Variants in ABCA4 observed in about 807,000 individuals in gnomAD.
ABCA4 encodes retinal-specific phospholipid-transporting ATPase ABCA4.
Under a neutral mutation model 263.7 loss-of-function variants are expected in ABCA4, and 196 were observed. That is an observed-to-expected ratio of 0.74 (90% CI 0.66 to 0.84). ABCA4 has a LOEUF of 0.84. Ranked by LOEUF, ABCA4 falls within the 40% of genes least tolerant of loss-of-function variation. The probability of loss-of-function intolerance (pLI) is 0.00; values close to 1 mark genes in which losing one functional copy is unlikely to be tolerated. For synonymous variants in ABCA4, 1,133 were observed against 1,094.2 expected, an observed-to-expected ratio of 1.04 and a Z score of -0.70; for missense variants, 2,792 against 2,855.1, an observed-to-expected ratio of 0.98 and a Z score of 0.50.
chr1:94,072,701 G>A (rs923314102), intron 11 of ABCA4, among the ~76,000 whole-genome samples: 6 of 152,102 alleles, frequency 3.9e-5, no homozygotes, highest in Non-Finnish European at 2.9e-5. Flanking sequence ...CCTTAGATTT[G>A]GAGAAAAGGG....
intron 13 of ABCA4, among the ~76,000 whole-genome samples, chr1:94,061,928 A>C (rs1302468181): frequency 7.6e-6 from 1 of 130,730 alleles, no homozygotes; most frequent in Non-Finnish European, 1.7e-5. Flanking sequence ...CCCCATCTAT[A>C]ATGACAAATG....
chr1:94,104,607 G>A lies in ABCA4; in HGVS notation c.443-1465C>T, dbSNP rs571182549. ...GCCTGTCCATGCAGCTGGGGCAGGG[G>A]AAGCCGGTCTTGAAGTTCGACCACA... On this transcript the variant is annotated intron_variant, in intron 4 of 49. Transcript: ENST00000370225. 3.9e-5 allele frequency among the ~76,000 whole-genome samples: 6 copies of A among 152,318 alleles called. No individual in the cohort carries two copies. The South Asian group carries it at 1.0e-3, about 26-fold the overall frequency.
At chr1:94,003,658 G>C (rs908914239) in intron 44 of ABCA4, among the ~76,000 whole-genome samples, 3 of 152,138 alleles carry the variant, frequency 2.0e-5, no homozygotes, top group Non-Finnish European at 4.4e-5. Context: ...TTAAGAGACA[G>C]AGTCTTGCTC....
At chr1:94,107,165 C>A (rs1218373717) in intron 4 of ABCA4, among the ~76,000 whole-genome samples, 1 of 152,154 alleles carries the variant, frequency 6.6e-6, no homozygotes, top group East Asian at 1.9e-4. Context: ...CCCTTGGTGA[C>A]CCCTTTCTCA....
intron 3 of ABCA4, among the ~76,000 whole-genome samples, chr1:94,110,915 G>A (rs1259747927): frequency 6.6e-6 from 1 of 152,184 alleles, no homozygotes; most frequent in Non-Finnish European, 1.5e-5. Context: ...GGGGCCGATG[G>A]CAATTATAAC....
At chr1:94,031,613 A>G (rs1261451926) in intron 27 of ABCA4, among the ~76,000 whole-genome samples, 165 bp downstream of exon 27, 1 of 152,204 alleles carries the variant, frequency 6.6e-6, no homozygotes, top group Non-Finnish European at 1.5e-5. Context: ...TCATGTTACC[A>G]AGAATCAAGA....
At chr1:94,046,600 A>G (rs1039696668) in intron 19 of ABCA4, among the ~76,000 whole-genome samples, 17 of 152,272 alleles carry the variant, frequency 1.1e-4, no homozygotes, top group African/African-American at 3.6e-4. Context: ...TGTGAGAAAC[A>G]AGAGGCAACT....
intron 1 of ABCA4, among the ~76,000 whole-genome samples, chr1:94,120,304 G>C (rs1330740417): frequency 2.6e-5 from 4 of 152,120 alleles, no homozygotes; most frequent in Admixed American, 2.0e-4. Flanking sequence ...GTGCTTTTAG[G>C]GCTCCAGTCT....
chr1:94,073,905 G>T (rs77724767), intron 11 of ABCA4, among the ~76,000 whole-genome samples: 1 of 152,032 alleles, frequency 6.6e-6, no homozygotes, highest in Admixed American at 6.5e-5. Context: ...TCTCTCCTCC[G>T]TCCACACCCC....
chr1:94,008,792 C>T lies in ABCA4; in HGVS notation c.5794G>A (p.Gly1932Arg). 1 of 1,613,916 alleles carries T rather than the reference C, an allele frequency of 6.2e-7. No individual in the cohort carries two copies. Among genetic ancestry groups the T allele is most frequent in the Non-Finnish European group, 8.5e-7 (1 of 1,180,004 alleles). The part of the protein sequence containing the change: ...AEERQRIITG[G>R]NKTDILRLHE... ...AGCCTTAAGATGTCAGTTTTATTTC[C>T]ACCAGTAATAATTCTTTGTCTTTCT... The change falls in exon 41 of 50, where the codon GGA becomes AGA. Residue 1932 changes from glycine to arginine, a missense_variant. Physicochemically the swap from Gly to Arg is moderately radical, Grantham distance 125. Coordinates refer to ENST00000370225, the MANE Select transcript of ABCA4 (RefSeq NM_000350.3).
chr1:94,041,210 T>C lies in ABCA4; in HGVS notation c.3521A>G (p.Glu1174Gly), dbSNP rs1446082893. Residue 1174 changes from glutamate (E) to glycine (G), a missense_variant and splice_region_variant, in exon 23 of 50, where the codon GAG (glutamate) becomes GGG (glycine). Physicochemically the swap from Glu to Gly is moderately conservative, Grantham distance 98. Coordinates refer to ENST00000370225, the MANE Select transcript of ABCA4 (RefSeq NM_000350.3). ...KNIQSQRKGS[E>G]GTCSCSSKGF... is the part of the protein sequence containing the mutation. ...GTCCTTCCCTGGGCAGACACCTACCTCACTGCCTTTCCTTTGGCTCTGGAT... is the reference window on the plus strand; with the variant it reads ...GTCCTTCCCTGGGCAGACACCTACCCCACTGCCTTTCCTTTGGCTCTGGAT... 6.2e-7 allele frequency: 1 copy of C among 1,614,178 alleles called. No individual in the cohort carries two copies. Among genetic ancestry groups the C allele is most frequent in the Non-Finnish European group, 8.5e-7 (1 of 1,180,030 alleles).
At chr1:94,116,726 C>G (rs1021210793) in intron 1 of ABCA4, among the ~76,000 whole-genome samples, 1 of 152,120 alleles carries the variant, frequency 6.6e-6, no homozygotes, top group Admixed American at 6.5e-5. Context: ...CTGTCCTTGA[C>G]GCTTAACTGC....
chr1:94,016,003 A>T, intron 36 of ABCA4, 149 bp from the exon 37 acceptor site: 1 of 745,640 alleles, frequency 1.3e-6, no homozygotes, highest in Admixed American at 2.0e-5. Flanking sequence ...GTTGGCAAAC[A>T]TATGTTAAGC....
At chr1:94,120,887 G>GCCCCCCCCCC in intron 1 of ABCA4, 93 bp downstream of exon 1, 1 of 339,358 alleles carries the variant, frequency 2.9e-6, no homozygotes, top group South Asian at 3.0e-5. Flanking sequence ...CCCCCACCCT[G>GCCCCCCCCCC]CCCCACCACC....
chr1:94,080,410 A>T (rs1661657203), intron 8 of ABCA4, 68 bp downstream of exon 8: 1 of 1,600,938 alleles, frequency 6.2e-7, no homozygotes, highest in Non-Finnish European at 8.5e-7. Context: ...GGTTTCACCT[A>T]GAAGTGTTAA....
intron 11 of ABCA4, among the ~76,000 whole-genome samples, chr1:94,071,917 C>G (rs781724881): frequency 1.3e-5 from 2 of 152,276 alleles, no homozygotes; most frequent in Non-Finnish European, 2.9e-5. Flanking sequence ...CCTGATTTCT[C>G]CCTAGCCTTC....
chr1:94,084,372 G>A (rs1661780462), intron 6 of ABCA4, among the ~76,000 whole-genome samples: 1 of 152,212 alleles, frequency 6.6e-6, no homozygotes, highest in African/African-American at 2.4e-5. Flanking sequence ...GGGACCAAAA[G>A]CCTCTGCTTT....
intron 4 of ABCA4, among the ~76,000 whole-genome samples, chr1:94,104,408 T>TC (rs1423849170): frequency 1.3e-5 from 2 of 152,204 alleles, no homozygotes; most frequent in African/African-American, 2.4e-5. Flanking sequence ...TTCCACGGCA[T>TC]CCCATCCTCT....
At position 94,000,899 on chromosome 1, in the gene ABCA4, C is replaced by G. The variant is rs761867791; in HGVS notation, c.6416G>C (p.Arg2139Pro). 10 of 1,614,076 alleles carry G rather than the reference C, an allele frequency of 6.2e-6. No homozygotes were observed. The highest frequency in any genetic ancestry group is 8.5e-6 in the Non-Finnish European group (10 of 1,180,050). The change falls in exon 47 of 50, where the codon CGG becomes CCG. Residue 2139 changes from arginine (R) to proline (P), a missense_variant. Physicochemically the swap from Arg to Pro is moderately radical, Grantham distance 103. Transcript: ENST00000370225. ...GGCGCCCTTTACCATGATGGCCAGC[C>G]GGGTACACAGTGCCTCACATTCTTC... ...SMEECEALCT[R>P]LAIMVKGAFR...
Sources: gnomAD v4.1 joint callset for allele counts (sites outside exome capture counted in the v4.1 genomes callset) on GRCh38, gnomAD v4.1.1 for gene constraint, MANE v1.5 for transcripts, NCBI Gene and HGNC (gene_info 2026-07-23, HGNC 2026-07-21) for gene names.